CD46: variants seen among roughly 807,000 people sequenced by gnomAD.
The protein encoded by CD46 is CD46 molecule.
CD46 carries 30 observed loss-of-function variants against 53.3 expected under a neutral mutation model. The ratio of observed to expected loss-of-function variants is 0.56; its 90% CI spans 0.42 to 0.76. The LOEUF (loss-of-function observed/expected upper bound fraction) is 0.76. Ranked by LOEUF, CD46 falls within the 30% of genes least tolerant of loss-of-function variation. The pLI is 0.00. For missense variants in CD46, 409 were observed against 463.0 expected (o/e 0.88, Z 1.07); for synonymous variants, 142 against 152.0 (o/e 0.93, Z 0.48).
At chr1:207,759,554 A>C in intron 3 of CD46, 85 bp from the exon 4 acceptor site, 1 of 761,466 alleles carries the variant, frequency 1.3e-6, no homozygotes, top group Non-Finnish European at 2.3e-6. Flanking sequence ...AGTGTAGAAA[A>C]GAAACCATAT....
Position 207,752,064 on chromosome 1 carries a change from C to G in CD46, c.-149C>G. On this transcript the variant is annotated 5_prime_UTR_variant, in exon 1 of 13. Coordinates refer to ENST00000367042, the MANE Select transcript of CD46 (RefSeq NM_172351.3). This position sits in a 1 kb window ranked among gnomAD's most constrained non-coding sequence, Gnocchi z 4.1. ...ACTTCCGCCCCGGGCGCGGCTCGGG[C>G]CACGCCCACCTGTCCTGCAGCACTG... 1.2e-6 allele frequency: 1 copy of G among 847,718 alleles called. No individual in the cohort carries two copies. The allele number at this position is 847,718 out of a possible 1,614,324, so 52.5% of individuals were successfully genotyped here.
At chr1:207,767,349 GATGA>G in intron 6 of CD46, 154 bp downstream of exon 6, 2 of 772,726 alleles carry the variant, frequency 2.6e-6, no homozygotes, top group Non-Finnish European at 4.3e-6. Context: ...TTCTATGCCA[GATGA>G]ATGACACGAA....
intron 8 of CD46, among the ~76,000 whole-genome samples, chr1:207,770,687 A>G (rs1369273557): frequency 1.3e-5 from 2 of 152,152 alleles, no homozygotes; most frequent in African/African-American, 2.4e-5. Flanking sequence ...TTTGATTAGA[A>G]TGATGGTTTC....
intron 1 of CD46, among the ~76,000 whole-genome samples, chr1:207,755,248 T>C (rs1655400964): frequency 6.6e-6 from 1 of 151,980 alleles, no homozygotes; most frequent in African/African-American, 2.4e-5. Flanking sequence ...GGGTGCAACA[T>C]GGAAAATAAC....
intron 8 of CD46, among the ~76,000 whole-genome samples, chr1:207,771,229 C>G (rs1657478036): frequency 6.6e-6 from 1 of 152,110 alleles, no homozygotes; most frequent in Non-Finnish European, 1.5e-5. Flanking sequence ...TATCCTTTGC[C>G]CACTTTTTGA....
chr1:207,777,497 C>G (rs137903984), intron 8 of CD46, among the ~76,000 whole-genome samples: 1 of 152,164 alleles, frequency 6.6e-6, no homozygotes, highest in Non-Finnish European at 1.5e-5. Flanking sequence ...CCACCCTCCC[C>G]GGTCAAGTAT....
intron 1 of CD46, among the ~76,000 whole-genome samples, chr1:207,753,373 T>A (rs1470512726): frequency 6.6e-6 from 1 of 152,232 alleles, no homozygotes; most frequent in Non-Finnish European, 1.5e-5. Context: ...TCAATACTTT[T>A]AAAAATGCAT....
intron 5 of CD46, among the ~76,000 whole-genome samples, chr1:207,761,873 AC>A (rs1402178131): frequency 1.3e-5 from 2 of 152,202 alleles, no homozygotes; most frequent in Admixed American, 1.3e-4. Context: ...TTTTTTAAAG[AC>A]CAAATGTTTA....
intron 8 of CD46, among the ~76,000 whole-genome samples, chr1:207,771,972 A>G (rs1558062670): frequency 6.6e-6 from 1 of 152,180 alleles, no homozygotes; most frequent in South Asian, 2.1e-4. Context: ...CATTGAATCT[A>G]TAAATTACCT....
chr1:207,752,344 G>A lies in CD46; in HGVS notation c.97+35G>A. 6.3e-7 allele frequency: 1 copy of A among 1,585,160 alleles called. No homozygotes were observed. The highest frequency in any genetic ancestry group is 8.7e-7 in the Non-Finnish European group (1 of 1,154,152). On this transcript the variant is annotated intron_variant, in intron 1 of 12. Transcript: ENST00000367042. The surrounding 1 kb of genome is among the most constrained non-coding windows in gnomAD (Gnocchi z 4.1). ...CGGGGCGGGTTCGCGCGTCCGCGGCGAGACTAGAGCTCTCCTCAGTCGGGC... is the reference window on the plus strand; with the variant it reads ...CGGGGCGGGTTCGCGCGTCCGCGGCAAGACTAGAGCTCTCCTCAGTCGGGC...
intron 4 of CD46, chr1:207,761,003 T>A: frequency 4.2e-6 from 2 of 474,846 alleles, no homozygotes; most frequent in Non-Finnish European, 7.7e-6. Context: ...GGGACACAGA[T>A]CCAAACCATA....
chr1:207,752,251 C>A lies in CD46; in HGVS notation c.39C>A (p.Ser13=). 1 of 1,614,162 alleles carries A rather than the reference C, an allele frequency of 6.2e-7. No individual in the cohort carries two copies. Among genetic ancestry groups the A allele is most frequent in the Non-Finnish European group, 8.5e-7 (1 of 1,180,020 alleles). The change falls in exon 1 of 13, where the codon TCC becomes TCA. Residue 13 remains serine, a synonymous_variant. Transcript: ENST00000367042. The surrounding 1 kb of genome is among the most constrained non-coding windows in gnomAD (Gnocchi z 4.1). ...PPGRRECPFP[S]WRFPGLLLAA... ...GCCGCCGCGAGTGTCCCTTTCCTTC[C>A]TGGCGCTTTCCTGGGTTGCTTCTGG... is the stretch of plus-strand genomic sequence containing the variant.
intron 1 of CD46, among the ~76,000 whole-genome samples, chr1:207,756,660 A>C (rs1161945160): frequency 2.0e-5 from 3 of 152,246 alleles, no homozygotes; most frequent in Non-Finnish European, 2.9e-5. Context: ...AGAGTACTCT[A>C]TACTGTAGAA....
In CD46 at chr1:207,767,337, A is replaced by C. The variant is rs41317817; in HGVS notation, c.856+142A>C. 1,941 of 804,078 alleles carry C rather than the reference A, an allele frequency of 2.4e-3. 30 individuals carry two copies. In the African/African-American group the frequency reaches 0.031, roughly 13 times the overall value. The allele number at this position is 804,078 out of a possible 1,614,324, so 49.8% of individuals were successfully genotyped here. The stretch of plus-strand genomic sequence containing the variant: ...TAGTATTTAACTCTGTCTTGTATTC[A>C]TTTCTATGCCAGATGAATGACACGA... On this transcript the variant is annotated intron_variant, in intron 6 of 12. Transcript: ENST00000367042.
At chr1:207,758,896 A>G (rs1334680327) in intron 3 of CD46, among the ~76,000 whole-genome samples, 1 of 152,218 alleles carries the variant, frequency 6.6e-6, no homozygotes, top group Non-Finnish European at 1.5e-5. Context: ...GAGAGCAATA[A>G]AAGCAAAATA....
rs369748406 is a variant in CD46 at position 207,793,515 on chromosome 1, G to C, written c.*42-4G>C. 6.2e-7 allele frequency: 1 copy of C among 1,610,226 alleles called. No homozygotes were observed. Reference sequence around the variant, plus strand: ...TGACATGATCTTTATACCTTGGTTTGCAGGAAAGCAGATGGTGGAGCTGAA... The same window carrying C: ...TGACATGATCTTTATACCTTGGTTTCCAGGAAAGCAGATGGTGGAGCTGAA... On this transcript the variant is annotated splice_region_variant and splice_polypyrimidine_tract_variant and intron_variant, in intron 12 of 12. Coordinates refer to ENST00000367042, the MANE Select transcript of CD46 (RefSeq NM_172351.3).
At chr1:207,792,118 A>T (rs996762287) in intron 12 of CD46, among the ~76,000 whole-genome samples, 1 of 152,146 alleles carries the variant, frequency 6.6e-6, no homozygotes, top group Non-Finnish European at 1.5e-5. Flanking sequence ...TCTACTAAAA[A>T]TACAAACATT....
At chr1:207,783,432 A>G (rs1451457239) in intron 9 of CD46, 102 bp downstream of exon 9, 3 of 758,376 alleles carry the variant, frequency 4.0e-6, no homozygotes, top group Admixed American at 3.6e-5. Context: ...TTGGTAGGGT[A>G]AGATAACTTT....
intron 2 of CD46, 70 bp downstream of exon 2, chr1:207,757,272 C>G: frequency 7.8e-7 from 1 of 1,283,894 alleles, no homozygotes; most frequent in Admixed American, 1.7e-5. Context: ...GGTACATATT[C>G]CACTACGGTG....
Sources: gnomAD v4.1 joint callset for allele counts (sites outside exome capture counted in the v4.1 genomes callset) on GRCh38, gnomAD v4.1.1 for gene constraint, Gnocchi (gnomAD v3.1) non-coding constraint, MANE v1.5 for transcripts, NCBI Gene and HGNC (gene_info 2026-07-23, HGNC 2026-07-21) for gene names.